The following WSCD2 variants were observed in gnomAD, a reference collection of about 807,000 sequenced individuals.
WSCD2 encodes the protein sialate:O-sulfotransferase 2.
A neutral mutation model predicts 55.7 loss-of-function variants in WSCD2; 28 were observed. The observed-to-expected ratio is 0.50, with a 90% CI of 0.37 to 0.69. The LOEUF (loss-of-function observed/expected upper bound fraction) is 0.69, where lower values mean the gene tolerates loss of function less well. Among genes scored for constraint, WSCD2 ranks in the 30% least tolerant of loss-of-function variants. WSCD2 has a pLI of 0.00. For synonymous variants in WSCD2, 301 were observed against 301.9 expected, an observed-to-expected ratio of 1.00 and a Z score of 0.03; for missense variants, 616 against 762.1, an observed-to-expected ratio of 0.81 and a Z score of 2.26.
At chr12:108,184,803 G>A (rs868730271) in intron 1 of WSCD2, among the ~76,000 whole-genome samples, 17 of 152,168 alleles carry the variant, frequency 1.1e-4, no homozygotes, top group African/African-American at 3.9e-4. Context: ...CATTTTATAT[G>A]GACAGAGGTT....
At chr12:108,205,081 G>A (rs1885163687) in intron 2 of WSCD2, among the ~76,000 whole-genome samples, 1 of 152,176 alleles carries the variant, frequency 6.6e-6, no homozygotes, top group African/African-American at 2.4e-5. Flanking sequence ...TCTTAGGGAG[G>A]CCACTTCACC....
chr12:108,157,727 A>G (rs1159504599), intron 1 of WSCD2, among the ~76,000 whole-genome samples: 1 of 152,158 alleles, frequency 6.6e-6, no homozygotes, highest in Non-Finnish European at 1.5e-5. Context: ...GAGCTCCTGC[A>G]GTTGTTCTTC....
chr12:108,186,510 C>A (rs1882514694), intron 1 of WSCD2, among the ~76,000 whole-genome samples: 1 of 152,224 alleles, frequency 6.6e-6, no homozygotes, highest in Non-Finnish European at 1.5e-5. Context: ...ACTCTACCTA[C>A]TCACCCTCCC....
intron 4 of WSCD2, among the ~76,000 whole-genome samples, chr12:108,214,056 T>C (rs961399842): frequency 6.6e-6 from 1 of 152,224 alleles, no homozygotes; most frequent in Non-Finnish European, 1.5e-5. Context: ...CAGAAAGGGA[T>C]GCCTTCCAAG....
intron 1 of WSCD2, among the ~76,000 whole-genome samples, chr12:108,132,506 A>G (rs998417113): frequency 9.2e-5 from 14 of 151,988 alleles, no homozygotes; most frequent in African/African-American, 2.9e-4. Context: ...GTGAGCGTGC[A>G]TGTCTATGGA....
intron 1 of WSCD2, among the ~76,000 whole-genome samples, chr12:108,178,323 G>A (rs1249789611): frequency 6.6e-6 from 1 of 152,128 alleles, no homozygotes; most frequent in Non-Finnish European, 1.5e-5. Context: ...CATCTATGGT[G>A]ACCAGCATCT....
chr12:108,207,866 G>A (rs1481954946), intron 3 of WSCD2, among the ~76,000 whole-genome samples: 1 of 152,132 alleles, frequency 6.6e-6, no homozygotes, highest in African/African-American at 2.4e-5. Context: ...AAACAGAGGT[G>A]CATTCTACAC....
At chr12:108,223,792 G>C (rs974463593) in intron 4 of WSCD2, among the ~76,000 whole-genome samples, 3 of 152,108 alleles carry the variant, frequency 2.0e-5, no homozygotes, top group African/African-American at 7.2e-5. Flanking sequence ...GCCAAAAACT[G>C]ACTGACATTG....
intron 1 of WSCD2, among the ~76,000 whole-genome samples, chr12:108,156,024 T>C (rs956445659): frequency 1.3e-5 from 2 of 152,212 alleles, no homozygotes; most frequent in Non-Finnish European, 2.9e-5. Context: ...AGTTCAAATA[T>C]TGTTCAAATG....
At chr12:108,239,638 C>T (rs1889550928) in intron 7 of WSCD2, among the ~76,000 whole-genome samples, 1 of 152,222 alleles carries the variant, frequency 6.6e-6, no homozygotes, top group South Asian at 2.1e-4. Flanking sequence ...AGGGTAGGGA[C>T]GCTGACTCCC....
chr12:108,205,344 G>C (rs1469762772), intron 2 of WSCD2, among the ~76,000 whole-genome samples: 1 of 152,106 alleles, frequency 6.6e-6, no homozygotes. Context: ...ATCGCTGTAA[G>C]GATGCAAGGA....
chr12:108,185,286 G>T (rs1159170092), intron 1 of WSCD2, among the ~76,000 whole-genome samples: 1 of 152,120 alleles, frequency 6.6e-6, no homozygotes, highest in Non-Finnish European at 1.5e-5. Flanking sequence ...TAGGAAATGG[G>T]CTCCGGTCAC....
chr12:108,195,680 C>T lies in WSCD2; in HGVS notation c.-153C>T. ...AGCCAAGCATTGAACTTGCCCTCCC[C>T]TTCTGGCCTTGGTGATCACTTTTTC... On this transcript the variant is annotated 5_prime_UTR_variant, in exon 2 of 9. Coordinates refer to ENST00000547525, the MANE Select transcript of WSCD2 (RefSeq NM_014653.4). 1 of 1,112,580 alleles carries T rather than the reference C, an allele frequency of 9.0e-7. No individual in the cohort carries two copies. The highest frequency in any genetic ancestry group is 1.7e-5 in the South Asian group (1 of 59,180). 68.9% of individuals were successfully genotyped at this position (1,112,580 alleles called of 1,614,324 possible). A position where few individuals can be genotyped will look rare whatever the true frequency, so the allele number is the denominator to read the frequency against.
At chr12:108,220,287 C>T (rs1593520) in intron 4 of WSCD2, among the ~76,000 whole-genome samples, 101,895 of 152,146 alleles carry the variant, frequency 0.67, 34,495 homozygotes, top group East Asian at 0.71. Context: ...ATATATCAAG[C>T]GTTTACACAA....
intron 1 of WSCD2, among the ~76,000 whole-genome samples, chr12:108,188,131 C>A (rs1882739762): frequency 6.6e-6 from 1 of 152,020 alleles, no homozygotes; most frequent in African/African-American, 2.4e-5. Flanking sequence ...CATTTATTTT[C>A]TTGAGTTTTG....
At chr12:108,162,008 A>T (rs975200593) in intron 1 of WSCD2, among the ~76,000 whole-genome samples, 1 of 152,026 alleles carries the variant, frequency 6.6e-6, no homozygotes, top group East Asian at 1.9e-4. Flanking sequence ...CATCCTCCCC[A>T]CTTTACAGAT....
At chr12:108,193,596 A>AATGG (rs150789288) in intron 1 of WSCD2, among the ~76,000 whole-genome samples, 113,651 of 150,656 alleles carry the variant, frequency 0.75, 43,795 homozygotes, top group East Asian at 0.9. Context: ...CCGGAAGGCA[A>AATGG]ATGGATGGAT....
Position 108,141,371 on chromosome 12 carries a change from G to A in WSCD2, c.-552+11445G>A, listed in dbSNP as rs187165039. Among the ~76,000 whole-genome samples, 2 of 152,310 alleles carry A rather than the reference G, an allele frequency of 1.3e-5. 1 individual carries two copies. Among genetic ancestry groups the A allele is most frequent in the Admixed American group, 1.3e-4 (2 of 15,302 alleles). Reference sequence around the variant, plus strand: ...CTGCCTTGGCCTCCTGAGTAGCTGGGACTACAGATGGCCACCACCATCCCC... The same window carrying A: ...CTGCCTTGGCCTCCTGAGTAGCTGGAACTACAGATGGCCACCACCATCCCC... On this transcript the variant is annotated intron_variant, in intron 1 of 8. Coordinates refer to ENST00000547525, the MANE Select transcript of WSCD2 (RefSeq NM_014653.4).
intron 1 of WSCD2, among the ~76,000 whole-genome samples, chr12:108,143,312 T>G (rs980133893): frequency 6.6e-6 from 1 of 152,166 alleles, no homozygotes; most frequent in Non-Finnish European, 1.5e-5. Flanking sequence ...AGGGAAATGA[T>G]CGCTGCTGTT....
Sources: gnomAD v4.1 joint callset for allele counts (sites outside exome capture counted in the v4.1 genomes callset) on GRCh38, gnomAD v4.1.1 for gene constraint, MANE v1.5 for transcripts, NCBI Gene and HGNC (gene_info 2026-07-23, HGNC 2026-07-21) for gene names.